HECTD4: variants seen among roughly 807,000 people sequenced by gnomAD.
HECTD4 encodes the protein probable E3 ubiquitin-protein ligase HECTD4.
In HECTD4, 114 loss-of-function variants were observed where a neutral mutation model predicts 471.5. The observed-to-expected ratio is 0.24, with a 90% CI of 0.21 to 0.28. HECTD4 has a LOEUF of 0.28. Ranked by LOEUF, HECTD4 falls within the 10% of genes least tolerant of loss-of-function variation. The pLI, the probability that HECTD4 is intolerant of heterozygous loss-of-function variation, is 1.00. For missense variants in HECTD4, 3,866 were observed against 5,651.5 expected, an observed-to-expected ratio of 0.68 and a Z score of 10.13; for synonymous variants, 2,012 against 2,256.0, an observed-to-expected ratio of 0.89 and a Z score of 3.07.
chr12:112,245,569 G>A (rs551247697), intron 29 of HECTD4, among the ~76,000 whole-genome samples: 4 of 152,304 alleles, frequency 2.6e-5, no homozygotes, highest in African/African-American at 4.8e-5. Flanking sequence ...ATTAGAGAGC[G>A]AGACCCTGGG....
intron 21 of HECTD4, among the ~76,000 whole-genome samples, chr12:112,254,767 G>C (rs2135593651): frequency 6.6e-6 from 1 of 152,258 alleles, no homozygotes; most frequent in South Asian, 2.1e-4. Flanking sequence ...TGCTTCTTGG[G>C]TCAGTTTTCA....
intron 53 of HECTD4, among the ~76,000 whole-genome samples, chr12:112,203,997 A>G (rs899858086): frequency 1.3e-5 from 2 of 152,254 alleles, no homozygotes; most frequent in African/African-American, 4.8e-5. Flanking sequence ...AGCTCTTACA[A>G]TTGAAGAATA....
chr12:112,288,755 G>T (rs2034810240), intron 7 of HECTD4, among the ~76,000 whole-genome samples: 1 of 152,200 alleles, frequency 6.6e-6, no homozygotes, highest in Non-Finnish European at 1.5e-5. Flanking sequence ...GATGCCAAGT[G>T]GAGAGAGGCC....
intron 1 of HECTD4, among the ~76,000 whole-genome samples, chr12:112,328,595 T>G (rs924312426): frequency 2.6e-5 from 4 of 152,148 alleles, no homozygotes; most frequent in African/African-American, 9.7e-5. Context: ...AACAAAGACT[T>G]GAAAAGCTCT....
intron 1 of HECTD4, among the ~76,000 whole-genome samples, chr12:112,333,318 C>T (rs2035879783): frequency 1.3e-5 from 2 of 152,218 alleles, no homozygotes; most frequent in Admixed American, 6.5e-5. Context: ...TTCCCACTAG[C>T]AACACATGAG....
At chr12:112,337,061 G>A (rs1316026162) in intron 1 of HECTD4, among the ~76,000 whole-genome samples, 1 of 152,086 alleles carries the variant, frequency 6.6e-6, no homozygotes, top group Non-Finnish European at 1.5e-5. Context: ...TTTAAAACAG[G>A]CCTAGCTAAA....
In HECTD4 at chr12:112,200,653, T is replaced by TGGG; in HGVS notation, c.8551_8552insCCC (p.Asn2851delinsThrHis). 6.2e-7 allele frequency: 1 copy of TGGG among 1,612,044 alleles called. No individual in the cohort carries two copies. The highest frequency in any genetic ancestry group is 8.5e-7 in the Non-Finnish European group (1 of 1,178,934). The stretch of plus-strand genomic sequence containing the variant: ...CCAATTGTACCTGTGAATTTGAAGG[T>TGGG]TGGTATTGTCCAGTGTGACCAGCCC... On this transcript the variant is annotated protein_altering_variant, in exon 55 of 76. Coordinates refer to ENST00000682272, the MANE Select transcript of HECTD4 (RefSeq NM_001388303.1).
In HECTD4 at chr12:112,219,496, A is replaced by G. The variant is rs756193618; in HGVS notation, c.6971-7T>C. ...ACAACTGCAAGTCGCTCTCCTGTAGAGGGCACATGTTGAATCTGTGAAAAC... is the reference window on the plus strand; with the variant it reads ...ACAACTGCAAGTCGCTCTCCTGTAGGGGGCACATGTTGAATCTGTGAAAAC... On this transcript the variant is annotated splice_polypyrimidine_tract_variant and splice_region_variant and intron_variant, in intron 44 of 75. Coordinates refer to ENST00000682272, the MANE Select transcript of HECTD4 (RefSeq NM_001388303.1). 2.1e-5 allele frequency: 33 copies of G among 1,605,790 alleles called. No homozygotes were observed. The highest frequency in any genetic ancestry group is 2.6e-5 in the Non-Finnish European group (31 of 1,173,644).
Position 112,216,354 on chromosome 12 carries a change from T to A in HECTD4, c.7403A>T (p.His2468Leu). 6.4e-7 allele frequency: 1 copy of A among 1,554,114 alleles called. No homozygotes were observed. The highest frequency in any genetic ancestry group is 2.4e-5 in the East Asian group (1 of 41,240). Residue 2468 changes from histidine (H) to leucine (L), a missense_variant, in exon 48 of 76, where the codon CAC becomes CTC. By Grantham distance (99) the His-to-Leu change is moderately conservative (BLOSUM62 -3). Around this residue, in one of 16 missense-constraint regions of HECTD4, gnomAD observed 617 missense variants for 915.1 expected, o/e 0.67. Coordinates refer to ENST00000682272, the MANE Select transcript of HECTD4 (RefSeq NM_001388303.1). ...CTGTAACAAACTGGAGCCATTATAGTGCACGGCTCGGCCGTTGCTATGAAA... is the reference window on the plus strand; with the variant it reads ...CTGTAACAAACTGGAGCCATTATAGAGCACGGCTCGGCCGTTGCTATGAAA... ...CLFHNNGRAV[H>L]YNGSSLLQWK... is the part of the protein sequence containing the mutation.
chr12:112,329,856 T>G (rs2035812672), intron 1 of HECTD4, among the ~76,000 whole-genome samples: 2 of 152,134 alleles, frequency 1.3e-5, no homozygotes, highest in Admixed American at 1.3e-4. Context: ...GTCTGTAATC[T>G]CAATACTTGG....
Position 112,229,862 on chromosome 12 carries a change from T to C in HECTD4, c.6355A>G (p.Met2119Val), listed in dbSNP as rs1252042859. Residue 2119 changes from methionine to valine, a missense_variant, in exon 41 of 76, where the codon ATG becomes GTG. Met to Val is a conservative substitution (Grantham distance 21). Around this residue, in one of 16 missense-constraint regions of HECTD4, gnomAD observed 617 missense variants for 915.1 expected, o/e 0.67. Coordinates refer to ENST00000682272, the MANE Select transcript of HECTD4 (RefSeq NM_001388303.1). ...TAEKVLSRAL[M>V]YIPQLGKYAE... ...TATTTCCCCAATTGTGGAATGTACA[T>C]CAGTGCTCTAGACAGAACCTAAATA... is the stretch of plus-strand genomic sequence containing the variant. 1 of 1,613,756 alleles carries C rather than the reference T, an allele frequency of 6.2e-7. No individual in the cohort carries two copies. The highest frequency in any genetic ancestry group is 1.3e-5 in the African/African-American group (1 of 74,938).
intron 7 of HECTD4, among the ~76,000 whole-genome samples, chr12:112,298,172 G>A (rs993330170): frequency 6.6e-6 from 1 of 152,066 alleles, no homozygotes; most frequent in Admixed American, 6.6e-5. Flanking sequence ...CTATAATAGG[G>A]AGCCAAAAAA....
At chr12:112,306,562 T>A (rs1327369119) in intron 6 of HECTD4, among the ~76,000 whole-genome samples, 1 of 152,228 alleles carries the variant, frequency 6.6e-6, no homozygotes, top group Non-Finnish European at 1.5e-5. Flanking sequence ...CTAACACTTA[T>A]TAAAAACAAA....
At chr12:112,197,931 G>A (rs969273279) in intron 55 of HECTD4, among the ~76,000 whole-genome samples, 1 of 152,150 alleles carries the variant, frequency 6.6e-6, no homozygotes, top group Non-Finnish European at 1.5e-5. Context: ...TGCCTCCTGG[G>A]ATCAAGTGAT....
At chr12:112,207,778 T>C in intron 52 of HECTD4, 96 bp downstream of exon 52, 1 of 1,395,574 alleles carries the variant, frequency 7.2e-7, no homozygotes, top group Non-Finnish European at 9.9e-7. Flanking sequence ...TGGTGCAACA[T>C]TAGATGAGTC....
At position 112,164,600 on chromosome 12, in the gene HECTD4, C is replaced by A. The variant is rs559854710; in HGVS notation, c.12535-325G>T. ...ACCTCTGCCCGTGCGCTGGGAGAGACTGCTTGAGGCTAATTATGCTTGCTT... is the reference window on the plus strand; with the variant it reads ...ACCTCTGCCCGTGCGCTGGGAGAGAATGCTTGAGGCTAATTATGCTTGCTT... On this transcript the variant is annotated intron_variant, in intron 72 of 75. Transcript: ENST00000682272. 2.6e-5 allele frequency among the ~76,000 whole-genome samples: 4 copies of A among 152,100 alleles called. No individual in the cohort carries two copies. The East Asian group carries it at 7.7e-4, about 29-fold the overall frequency.
chr12:112,175,883 G>C, intron 65 of HECTD4, 24 bp from the exon 66 acceptor site: 1 of 1,612,072 alleles, frequency 6.2e-7, no homozygotes, highest in African/African-American at 1.3e-5. Flanking sequence ...TTCAGTGTGA[G>C]GAATCTGGTG....
intron 1 of HECTD4, among the ~76,000 whole-genome samples, chr12:112,377,356 A>G (rs1462751485): frequency 2.0e-5 from 3 of 151,894 alleles, no homozygotes; most frequent in African/African-American, 4.8e-5. Context: ...TCTCTTTAGC[A>G]CTTATCATTT....
intron 1 of HECTD4, among the ~76,000 whole-genome samples, chr12:112,344,338 A>AG (rs1163283345): frequency 6.6e-6 from 1 of 152,216 alleles, no homozygotes; most frequent in African/African-American, 2.4e-5. Flanking sequence ...CAAAAACTGC[A>AG]GGGGGGTTAT....
Sources: allele counts gnomAD v4.1 joint callset (sites outside exome capture counted in the v4.1 genomes callset), GRCh38; gene constraint gnomAD v4.1.1; regional missense constraint gnomAD v4.1.1; transcripts MANE v1.5; gene names NCBI Gene and HGNC (gene_info 2026-07-23, HGNC 2026-07-21).